Variants in KCTD16 observed in about 807,000 individuals in gnomAD.
KCTD16 encodes the protein BTB/POZ domain-containing protein KCTD16.
A neutral mutation model predicts 33.2 loss-of-function variants in KCTD16; 13 were observed. The observed-to-expected ratio is 0.39, with a 90% CI of 0.25 to 0.62. The LOEUF (loss-of-function observed/expected upper bound fraction) is 0.62, where lower values mean the gene tolerates loss of function less well. KCTD16 is among the 20% of genes least tolerant of loss of function. The pLI, the probability that KCTD16 is intolerant of heterozygous loss-of-function variation, is 0.50. For missense variants in KCTD16, 441 were observed against 525.1 expected (o/e 0.84, Z 1.57); for synonymous variants, 197 against 195.3 (o/e 1.01, Z -0.07).
chr5:144,385,394 A>G (rs1243925429), intron 3 of KCTD16: 1 of 152,194 alleles, frequency 6.6e-6, no homozygotes, highest in Non-Finnish European at 1.5e-5. Context: ...CTTCAGTAAC[A>G]TGCTTGGGGC....
At chr5:144,453,108 C>A (rs553056764) in intron 3 of KCTD16, among the ~76,000 whole-genome samples, 12 of 152,212 alleles carry the variant, frequency 7.9e-5, no homozygotes, top group African/African-American at 2.9e-4. Flanking sequence ...ATGGTTAGGG[C>A]CATGATCTGT....
chr5:144,389,376 G>T (rs747194404), intron 3 of KCTD16, among the ~76,000 whole-genome samples: 3 of 152,064 alleles, frequency 2.0e-5, no homozygotes, highest in Non-Finnish European at 4.4e-5. Flanking sequence ...CAGATCAGCA[G>T]CAACATTAGG....
chr5:144,449,577 G>A (rs1753896255), intron 3 of KCTD16, among the ~76,000 whole-genome samples: 1 of 151,784 alleles, frequency 6.6e-6, no homozygotes, highest in Non-Finnish European at 1.5e-5. Context: ...AAACTTTATG[G>A]AAAACAAACA....
intron 3 of KCTD16, among the ~76,000 whole-genome samples, chr5:144,243,893 G>A (rs1172330135): frequency 2.0e-5 from 3 of 151,974 alleles, no homozygotes; most frequent in Admixed American, 6.6e-5. Flanking sequence ...ACAGGTGCAC[G>A]CCATCACGCC....
At chr5:144,413,393 A>C (rs1201379483) in intron 3 of KCTD16, among the ~76,000 whole-genome samples, 1 of 152,212 alleles carries the variant, frequency 6.6e-6, no homozygotes, top group East Asian at 1.9e-4. Flanking sequence ...GGTATTTTTT[A>C]TGGCTGCCCT....
chr5:144,288,513 C>T (rs1755808846), intron 3 of KCTD16, among the ~76,000 whole-genome samples: 1 of 152,000 alleles, frequency 6.6e-6, no homozygotes, highest in African/African-American at 2.4e-5. Context: ...GGTTGGTGGA[C>T]CCTGGCTATT....
At chr5:144,312,903 G>A (rs1410662129) in intron 3 of KCTD16, among the ~76,000 whole-genome samples, 1 of 152,156 alleles carries the variant, frequency 6.6e-6, no homozygotes, top group Admixed American at 6.5e-5. Context: ...AAGAAAAGCT[G>A]TCACATAAAT....
chr5:144,207,969 T>C (rs1224996308), intron 3 of KCTD16, among the ~76,000 whole-genome samples: 1 of 152,232 alleles, frequency 6.6e-6, no homozygotes, highest in Non-Finnish European at 1.5e-5. Context: ...TTAAGCTGGT[T>C]GCTGAAGACT....
chr5:144,171,049 A>C (rs1465240453), intron 1 of KCTD16, 40 bp downstream of exon 1: 1 of 152,258 alleles, frequency 6.6e-6, no homozygotes, highest in East Asian at 1.9e-4. Flanking sequence ...TGAGATGGTT[A>C]CCCTATTTCC....
chr5:144,395,969 A>G (rs537706690), intron 3 of KCTD16, among the ~76,000 whole-genome samples: 1 of 152,304 alleles, frequency 6.6e-6, no homozygotes. Flanking sequence ...TGTATAGTCT[A>G]TGGTTACTTT....
chr5:144,371,100 A>G (rs183622), intron 3 of KCTD16, among the ~76,000 whole-genome samples: 1 of 152,138 alleles, frequency 6.6e-6, no homozygotes, highest in Non-Finnish European at 1.5e-5. Context: ...GTTTGGTGAC[A>G]TGAACTTCTA....
intron 3 of KCTD16, among the ~76,000 whole-genome samples, chr5:144,470,660 A>T (rs377349217): frequency 2.6e-5 from 4 of 152,196 alleles, no homozygotes; most frequent in Non-Finnish European, 5.9e-5. Flanking sequence ...AAGTTGTTCA[A>T]TTCCCCTTTG....
At chr5:144,329,266 G>A (rs1752291035) in intron 3 of KCTD16, among the ~76,000 whole-genome samples, 1 of 152,082 alleles carries the variant, frequency 6.6e-6, no homozygotes, top group Non-Finnish European at 1.5e-5. Flanking sequence ...TATTTGCTTG[G>A]TTCACTCAAA....
chr5:144,303,492 G>A (rs9324954), intron 3 of KCTD16, among the ~76,000 whole-genome samples: 7,914 of 152,214 alleles, frequency 0.052, 668 homozygotes, highest in African/African-American at 0.18. Flanking sequence ...TGTGTGGCAA[G>A]AGCAATGGAA....
chr5:144,370,605 A>G (rs1751945941), intron 3 of KCTD16, among the ~76,000 whole-genome samples: 1 of 152,170 alleles, frequency 6.6e-6, no homozygotes, highest in Non-Finnish European at 1.5e-5. Context: ...CAGATAACTA[A>G]TGCCAAGGCA....
At chr5:144,455,458 C>G (rs114691984) in intron 3 of KCTD16, among the ~76,000 whole-genome samples, 21 of 151,856 alleles carry the variant, frequency 1.4e-4, no homozygotes, top group Non-Finnish European at 2.8e-4. Flanking sequence ...AATTTGGGAA[C>G]CAAGAGAAAG....
chr5:144,325,325 C>G (rs1752177481), intron 3 of KCTD16, among the ~76,000 whole-genome samples: 1 of 152,168 alleles, frequency 6.6e-6, no homozygotes, highest in African/African-American at 2.4e-5. Flanking sequence ...AGAAGAACCT[C>G]CCTGTGTCTA....
intron 3 of KCTD16, among the ~76,000 whole-genome samples, chr5:144,366,033 G>A (rs1434029141): frequency 6.6e-6 from 1 of 152,064 alleles, no homozygotes; most frequent in African/African-American, 2.4e-5. Context: ...GATGGGAGGA[G>A]ATACACTTTT....
chr5:144,367,160 G>A (rs1043856077), intron 3 of KCTD16, among the ~76,000 whole-genome samples: 2 of 152,198 alleles, frequency 1.3e-5, no homozygotes, highest in African/African-American at 4.8e-5. Context: ...CATAGCTGAT[G>A]AGACCAGTAA....
Sources: allele counts gnomAD v4.1 joint callset (sites outside exome capture counted in the v4.1 genomes callset), GRCh38; gene constraint gnomAD v4.1.1; transcripts MANE v1.5; gene names NCBI Gene and HGNC (gene_info 2026-07-23, HGNC 2026-07-21).